NTRK2: variants seen among roughly 807,000 people sequenced by gnomAD.
NTRK2 encodes neurotrophic receptor tyrosine kinase 2, also known as BDNF/NT-3 growth factors receptor.
In NTRK2, 13 loss-of-function variants were observed where a neutral mutation model predicts 94.5. That is an observed-to-expected ratio of 0.14 (90% CI 0.09 to 0.22). The LOEUF (loss-of-function observed/expected upper bound fraction) is 0.22, where lower values mean the gene tolerates loss of function less well. Ranked by LOEUF, NTRK2 falls within the 10% of genes least tolerant of loss-of-function variation. The pLI is 1.00. For synonymous variants in NTRK2, 372 were observed against 407.4 expected (o/e 0.91, Z 1.05); for missense variants, 639 against 1,071.2 (o/e 0.60, Z 5.63).
At chr9:84,703,770 T>C (rs2060874467) in intron 4 of NTRK2, among the ~76,000 whole-genome samples, 3 of 152,238 alleles carry the variant, frequency 2.0e-5, no homozygotes, top group African/African-American at 7.2e-5. Context: ...AAAAATGTGA[T>C]AAAACTCCAG....
Position 84,871,733 on chromosome 9 carries a change from A to T in NTRK2, c.1633+4302A>T. The T allele has an allele frequency of 4.1e-6, 6 of 1,448,514 alleles. No individual in the cohort carries two copies. The South Asian group carries it at 6.8e-5, about 17-fold the overall frequency. The allele number at this position is 1,448,514 out of a possible 1,614,324, so 89.7% of individuals were successfully genotyped here. A position where few individuals can be genotyped will look rare whatever the true frequency, so the allele number is the denominator to read the frequency against. On this transcript the variant is annotated intron_variant, in intron 14 of 18. Coordinates refer to ENST00000277120, the MANE Select transcript of NTRK2 (RefSeq NM_006180.6). ...TGCAGGATTGTAGAGCAATCTGAAC[A>T]GGGCTGAATTCCTCCCGAGCACTTT...
chr9:84,704,966 T>G (rs889729780), intron 4 of NTRK2, among the ~76,000 whole-genome samples: 1 of 152,070 alleles, frequency 6.6e-6, no homozygotes, highest in Non-Finnish European at 1.5e-5. Flanking sequence ...TGGTTGGTGG[T>G]CCCCTGATTT....
At chr9:84,875,527 TC>T (rs1187740656) in intron 14 of NTRK2, 1 of 1,063,108 alleles carries the variant, frequency 9.4e-7, no homozygotes, top group Admixed American at 5.4e-5. Context: ...ACTTTTTGCC[TC>T]CAAGTTCTTC....
At chr9:84,869,696 C>T (rs534177193) in intron 14 of NTRK2, among the ~76,000 whole-genome samples, 1 of 152,154 alleles carries the variant, frequency 6.6e-6, no homozygotes, top group African/African-American at 2.4e-5. Context: ...ATCTGTTGAA[C>T]CATTCCTTCA....
In NTRK2 at chr9:84,948,576, G is replaced by A. The variant is rs201553907; in HGVS notation, c.1879G>A (p.Asp627Asn). The A allele has an allele frequency of 6.2e-6, 10 of 1,613,886 alleles. No homozygotes were observed. The highest frequency in any genetic ancestry group is 2.7e-5 in the African/African-American group (2 of 74,852). Residue 627 changes from aspartate to asparagine, a missense_variant, in exon 16 of 19, where the codon GAC becomes AAC. This residue lies in a region of NTRK2 where 343 missense variants were observed against 571.5 expected (regional missense o/e 0.60). Transcript: ENST00000277120. ...VKFYGVCVEG[D>N]PLIMVFEYMK... is the part of the protein sequence containing the mutation. ...GTTCTATGGCGTCTGCGTGGAGGGC[G>A]ACCCCCTCATCATGGTCTTTGAGTA...
chr9:84,704,122 C>T (rs1173267644), intron 4 of NTRK2, among the ~76,000 whole-genome samples: 1 of 150,930 alleles, frequency 6.6e-6, no homozygotes, highest in Non-Finnish European at 1.5e-5. Flanking sequence ...TTACTGATTA[C>T]TTTACTTTGT....
At chr9:84,943,531 G>A (rs928767505) in intron 15 of NTRK2, among the ~76,000 whole-genome samples, 1 of 152,174 alleles carries the variant, frequency 6.6e-6, no homozygotes, top group Admixed American at 6.5e-5. Flanking sequence ...CAGCTTTGGG[G>A]TGTCAGGAAA....
intron 17 of NTRK2, among the ~76,000 whole-genome samples, chr9:84,958,622 G>C (rs1248527196): frequency 6.6e-6 from 1 of 152,148 alleles, no homozygotes. Flanking sequence ...TCCCATTCAG[G>C]ATGAGGGAAA....
chr9:84,852,251 C>T (rs535847117), intron 12 of NTRK2, among the ~76,000 whole-genome samples: 1 of 152,304 alleles, frequency 6.6e-6, no homozygotes, highest in Non-Finnish European at 1.5e-5. Flanking sequence ...CAAAGACTTG[C>T]CCTGAGTGCT....
At chr9:84,898,464 TA>T (rs1372205257) in intron 14 of NTRK2, among the ~76,000 whole-genome samples, 1 of 152,116 alleles carries the variant, frequency 6.6e-6, no homozygotes, top group East Asian at 1.9e-4. Context: ...GAAAGAGGGT[TA>T]TCTAGTGTTT....
At chr9:84,698,692 A>T (rs1327098604) in intron 2 of NTRK2, among the ~76,000 whole-genome samples, 1 of 152,236 alleles carries the variant, frequency 6.6e-6, no homozygotes, top group African/African-American at 2.4e-5. Context: ...CATCCATAGA[A>T]ATGTTTTACA....
At chr9:84,678,265 T>C (rs2059180310) in intron 2 of NTRK2, among the ~76,000 whole-genome samples, 1 of 152,210 alleles carries the variant, frequency 6.6e-6, no homozygotes. Flanking sequence ...GCTGTCTTCT[T>C]TGAGAGAAGT....
At chr9:84,819,728 C>A (rs2072664057) in intron 12 of NTRK2, among the ~76,000 whole-genome samples, 1 of 152,198 alleles carries the variant, frequency 6.6e-6, no homozygotes, top group Non-Finnish European at 1.5e-5. Flanking sequence ...TGGAGTCCTG[C>A]AGAATGGCGC....
chr9:84,964,619 G>T (rs962510723), intron 17 of NTRK2, among the ~76,000 whole-genome samples: 2 of 152,152 alleles, frequency 1.3e-5, no homozygotes, highest in African/African-American at 4.8e-5. Flanking sequence ...GATCTCCCCA[G>T]ACTCTCAGCT....
Position 84,948,484 on chromosome 9 carries a change from A to G in NTRK2, c.1787A>G (p.Asn596Ser). The G allele has an allele frequency of 6.2e-7, 1 of 1,614,112 alleles. No individual in the cohort carries two copies. The highest frequency in any genetic ancestry group is 2.2e-5 in the East Asian group (1 of 44,856). The change falls in exon 16 of 19, where the codon AAT (asparagine) becomes AGT (serine). Residue 596 changes from asparagine (N) to serine (S), a missense_variant. Asn to Ser is a conservative substitution (Grantham distance 46). Transcript: ENST00000277120. The part of the protein sequence containing the change: ...AVKTLKDASD[N>S]ARKDFHREAE... Reference sequence around the variant, plus strand: ...CAGACCCTGAAGGATGCCAGTGACAATGCACGCAAGGACTTCCACCGTGAG... The same window carrying G: ...CAGACCCTGAAGGATGCCAGTGACAGTGCACGCAAGGACTTCCACCGTGAG...
intron 12 of NTRK2, among the ~76,000 whole-genome samples, chr9:84,781,961 C>A (rs1306549851): frequency 6.6e-6 from 1 of 151,784 alleles, no homozygotes; most frequent in African/African-American, 2.4e-5. Context: ...TTCAATAATA[C>A]CTTGGAGGGT....
intron 17 of NTRK2, among the ~76,000 whole-genome samples, chr9:84,966,785 G>A (rs1825608449): frequency 6.6e-6 from 1 of 152,172 alleles, no homozygotes; most frequent in South Asian, 2.1e-4. Context: ...AAGTAGACAA[G>A]GATATAACAC....
chr9:84,814,592 G>T, intron 12 of NTRK2: 2 of 1,065,852 alleles, frequency 1.9e-6, no homozygotes, highest in Non-Finnish European at 2.3e-6. Context: ...CAAGACCTGT[G>T]CTTTCTTCCT....
chr9:84,972,651 T>C (rs1170579941), intron 17 of NTRK2, among the ~76,000 whole-genome samples: 1 of 152,256 alleles, frequency 6.6e-6, no homozygotes, highest in African/African-American at 2.4e-5. Context: ...AGCTTTATAA[T>C]GTATAAATAC....
Sources: allele counts gnomAD v4.1 joint callset (sites outside exome capture counted in the v4.1 genomes callset), GRCh38; gene constraint gnomAD v4.1.1; regional missense constraint gnomAD v4.1.1; transcripts MANE v1.5; gene names NCBI Gene and HGNC (gene_info 2026-07-23, HGNC 2026-07-21).